Variants in PPEF1 observed in about 807,000 individuals in gnomAD.
PPEF1 encodes serine/threonine-protein phosphatase with EF-hands 1.
A neutral mutation model predicts 53.3 loss-of-function variants in PPEF1; 12 were observed. The ratio of observed to expected loss-of-function variants is 0.23; its 90% CI spans 0.14 to 0.36. The LOEUF is 0.36. Among genes scored for constraint, PPEF1 ranks in the 10% least tolerant of loss-of-function variants. PPEF1 has a pLI of 1.00. For missense variants in PPEF1, 334 were observed against 490.4 expected, an observed-to-expected ratio of 0.68 and a Z score of 3.01; for synonymous variants, 165 against 176.7, an observed-to-expected ratio of 0.93 and a Z score of 0.52.
At chrX:18,695,571 GAA>G (rs1227416775) in intron 4 of PPEF1, among the ~76,000 whole-genome samples, 1 of 111,805 alleles carries the variant, frequency 8.9e-6, no homozygotes, top group African/African-American at 3.3e-5. Flanking sequence ...CCATGAGAGA[GAA>G]AGAGTAGAGT....
At chrX:18,689,202 TA>T in intron 3 of PPEF1, among the ~76,000 whole-genome samples, 1 of 110,527 alleles carries the variant, frequency 9.0e-6, no homozygotes, top group African/African-American at 3.3e-5. Flanking sequence ...TCTTTTGGTT[TA>T]CACTCCAAAA....
At chrX:18,788,641 C>G (rs1265037072) in intron 9 of PPEF1, among the ~76,000 whole-genome samples, 3 of 111,632 alleles carry the variant, frequency 2.7e-5, no homozygotes, top group Admixed American at 9.6e-5. Context: ...AGTTTTCAAC[C>G]TATGTCCCCT....
chrX:18,743,446 C>CTTTTTTTTTTTTTTTTTTTTTTTTTT (rs72264344), intron 3 of PPEF1, among the ~76,000 whole-genome samples: 5 of 59,332 alleles, frequency 8.4e-5, no homozygotes, highest in African/African-American at 3.6e-4. Context: ...TTCTCTTTTT[C>CTTTTTTTTTTTTTTTTTTTTTTTTTT]TTTTTTTTTT....
chrX:18,791,611 A>G lies in PPEF1; in HGVS notation c.1065+2338A>G, dbSNP rs747023854. On this transcript the variant is annotated intron_variant, in intron 10 of 15. Transcript: ENST00000470157. ...GATTTCTTGAGATTTTCCACCTACAAGATTATGTTATCTGTGAATAATTTT... is the reference window on the plus strand; with the variant it reads ...GATTTCTTGAGATTTTCCACCTACAGGATTATGTTATCTGTGAATAATTTT... Among the ~76,000 whole-genome samples, 12 of 112,041 alleles carry G rather than the reference A, an allele frequency of 1.1e-4. 1 individual carries two copies. In the South Asian group the frequency reaches 3.3e-3, roughly 31 times the overall value.
chrX:18,677,823 C>T (rs1488438841), intron 1 of PPEF1, among the ~76,000 whole-genome samples: 1 of 111,492 alleles, frequency 9.0e-6, no homozygotes, highest in Non-Finnish European at 1.9e-5. Context: ...GGCCTCTATT[C>T]ACTGGATGCG....
chrX:18,706,472 C>T (rs2238948), upstream of PPEF1, among the ~76,000 whole-genome samples: 47,484 of 108,872 alleles, frequency 0.44, 7,540 homozygotes, highest in East Asian at 0.64. Context: ...TGGCCAGGCA[C>T]GGTGGCTCAC....
chrX:18,823,627 C>CAA (rs759165991), intron 13 of PPEF1, among the ~76,000 whole-genome samples: 1,858 of 84,928 alleles, frequency 0.022, 44 homozygotes, highest in African/African-American at 0.08. Context: ...GACTCCTTCT[C>CAA]AAAAAAAAAA....
At chrX:18,782,463 A>C in intron 8 of PPEF1, 61 bp downstream of exon 8, 1 of 936,155 alleles carries the variant, frequency 1.1e-6, no homozygotes, top group Non-Finnish European at 1.5e-6. Context: ...AGAGAAATTT[A>C]AAAAGAGCCA....
chrX:18,700,627 A>G (rs1280262830), intron 6 of PPEF1, among the ~76,000 whole-genome samples: 1 of 111,670 alleles, frequency 9.0e-6, no homozygotes, highest in Admixed American at 9.5e-5. Flanking sequence ...AGACGTACAG[A>G]TGACTTGGCA....
intron 10 of PPEF1, among the ~76,000 whole-genome samples, chrX:18,795,988 C>T (rs1405749408): frequency 1.8e-5 from 2 of 112,190 alleles, no homozygotes; most frequent in African/African-American, 6.5e-5. Context: ...TGGAGTCTCA[C>T]TCTGTCACCC....
chrX:18,804,211 C>T, intron 11 of PPEF1, 134 bp downstream of exon 11: 2 of 540,435 alleles, frequency 3.7e-6, no homozygotes, highest in Non-Finnish European at 5.6e-6. Context: ...CCAGAGAAGG[C>T]GAGCTTCATC....
chrX:18,779,374 T>A (rs2046037547), intron 7 of PPEF1, among the ~76,000 whole-genome samples, 198 bp downstream of exon 7: 1 of 111,447 alleles, frequency 9.0e-6, no homozygotes, highest in South Asian at 3.8e-4. Flanking sequence ...TCCCTTCCTA[T>A]CTTTTCTTCC....
chrX:18,715,231 A>C (rs1165007563), intron 1 of PPEF1, among the ~76,000 whole-genome samples: 1 of 109,057 alleles, frequency 9.2e-6, no homozygotes, highest in Non-Finnish European at 1.9e-5. Context: ...TGAGACCCTG[A>C]CTCTTAAAAG....
intron 12 of PPEF1, among the ~76,000 whole-genome samples, chrX:18,808,167 A>G (rs2046720766): frequency 9.4e-6 from 1 of 106,571 alleles, no homozygotes. Context: ...GGGTTTCACC[A>G]TGTTGGCTAG....
At chrX:18,746,557 C>A (rs2045333337) in intron 3 of PPEF1, among the ~76,000 whole-genome samples, 1 of 110,997 alleles carries the variant, frequency 9.0e-6, no homozygotes, top group Non-Finnish European at 1.9e-5. Context: ...TAATTTTGTT[C>A]TTAAGTAACA....
chrX:18,739,584 G>GGAC (rs1172488173), intron 3 of PPEF1, among the ~76,000 whole-genome samples: 1 of 112,097 alleles, frequency 8.9e-6, no homozygotes, highest in Non-Finnish European at 1.9e-5. Context: ...CGGGGGTCAG[G>GGAC]GACCCACTTG....
chrX:18,782,430 A>G (rs1164396658), intron 8 of PPEF1, 28 bp downstream of exon 8: 2 of 753,611 alleles, frequency 2.7e-6, no homozygotes, highest in South Asian at 5.3e-5. Context: ...TTTTTTTTTT[A>G]GTATTCACTT....
At chrX:18,818,556 A>T (rs1383689055) in intron 13 of PPEF1, among the ~76,000 whole-genome samples, 1 of 110,569 alleles carries the variant, frequency 9.0e-6, no homozygotes, top group Non-Finnish European at 1.9e-5. Flanking sequence ...TTTTTAGTAG[A>T]GATGGGATTT....
At chrX:18,780,093 T>C (rs1247609590) in intron 7 of PPEF1, among the ~76,000 whole-genome samples, 1 of 112,356 alleles carries the variant, frequency 8.9e-6, no homozygotes, top group Non-Finnish European at 1.9e-5. Flanking sequence ...TTTATCCTTA[T>C]TGCCTATCGT....
Sources: gnomAD v4.1 joint callset for allele counts (sites outside exome capture counted in the v4.1 genomes callset) on GRCh38, gnomAD v4.1.1 for gene constraint, MANE v1.5 for transcripts, NCBI Gene and HGNC (gene_info 2026-07-23, HGNC 2026-07-21) for gene names.